UBN1: variants seen among roughly 807,000 people sequenced by gnomAD.
The protein encoded by UBN1 is ubinuclein-1.
In UBN1, 17 loss-of-function variants were observed where a neutral mutation model predicts 108.5. The ratio of observed to expected loss-of-function variants is 0.16; its 90% CI spans 0.11 to 0.24. UBN1 has a LOEUF of 0.24. UBN1 is among the 10% of genes least tolerant of loss of function. The pLI is 1.00. For synonymous variants in UBN1, 726 were observed against 564.2 expected, an observed-to-expected ratio of 1.29 and a Z score of -4.07; for missense variants, 1,595 against 1,394.4, an observed-to-expected ratio of 1.14 and a Z score of -2.29.
Position 4,870,347 on chromosome 16 carries a change from T to A in UBN1, c.1311+6T>A. ...AACTTCACCTCTATGAACAGGTGGG[T>A]GACTCTAGAGTGAAGCCCTTTGGCT... On this transcript the variant is annotated splice_donor_region_variant and intron_variant, in intron 9 of 17. Coordinates refer to ENST00000262376, the MANE Select transcript of UBN1 (RefSeq NM_001079514.3). 1 of 1,613,898 alleles carries A rather than the reference T, an allele frequency of 6.2e-7. No homozygotes were observed. Among genetic ancestry groups the A allele is most frequent in the Admixed American group, 1.7e-5 (1 of 59,990 alleles).
At chr16:4,870,404 T>G in intron 9 of UBN1, 63 bp downstream of exon 9, 1 of 1,610,524 alleles carries the variant, frequency 6.2e-7, no homozygotes, top group Non-Finnish European at 8.5e-7. Context: ...GACTGAGTCT[T>G]AAGCAATGAT....
Position 4,877,323 on chromosome 16 carries a change from T to C in UBN1, c.3266-62T>C. ...GGGGGCTTTTGGCTGCTGGAGCTGC[T>C]TTCCTGTTCCTGTCTTCAATGTGTG... On this transcript the variant is annotated intron_variant, in intron 16 of 17. Transcript: ENST00000262376. The surrounding 1 kb of genome is among the most constrained non-coding windows in gnomAD (Gnocchi z 4.3). 1.0e-5 allele frequency: 16 copies of C among 1,564,854 alleles called. No individual in the cohort carries two copies. The South Asian group carries it at 1.7e-4, about 17-fold the overall frequency.
Position 4,847,510 on chromosome 16 carries a change from C to G in UBN1, c.-740C>G. The G allele has an allele frequency of 1.9e-6, 1 of 520,822 alleles. No homozygotes were observed. Among genetic ancestry groups the G allele is most frequent in the Non-Finnish European group, 3.3e-6 (1 of 303,818 alleles). The allele number at this position is 520,822 out of a possible 1,614,324, so 32.3% of individuals were successfully genotyped here. A position where few individuals can be genotyped will look rare whatever the true frequency, so the allele number is the denominator to read the frequency against. On this transcript the variant is annotated 5_prime_UTR_variant, in exon 1 of 18. Coordinates refer to ENST00000262376, the MANE Select transcript of UBN1 (RefSeq NM_001079514.3). ...CCTTCCCCCTCCCTTCGGCTCGTGA[C>G]AACGAAGCGCCCGCGGTCTGAGGCG...
intron 7 of UBN1, among the ~76,000 whole-genome samples, chr16:4,864,822 A>G (rs757695689): frequency 4.6e-5 from 7 of 152,140 alleles, no homozygotes; most frequent in Non-Finnish European, 1.0e-4. Flanking sequence ...CCCTCATCAC[A>G]AGAAGTGCAG....
chr16:4,850,518 C>T (rs1300774137), intron 1 of UBN1, among the ~76,000 whole-genome samples: 1 of 152,142 alleles, frequency 6.6e-6, no homozygotes, highest in Non-Finnish European at 1.5e-5. Context: ...GATTTATTTC[C>T]ACAACCCAGC....
chr16:4,882,221 G>T lies in UBN1; in HGVS notation c.*2089G>T. On this transcript the variant is annotated 3_prime_UTR_variant, in exon 18 of 18. Transcript: ENST00000262376. Reference sequence around the variant, plus strand: ...TCCCTGGCGCAGCGAAAGTCTCTGAGCACTTACCGGGCGTGACCGTTTCTT... The same window carrying T: ...TCCCTGGCGCAGCGAAAGTCTCTGATCACTTACCGGGCGTGACCGTTTCTT... The T allele has an allele frequency of 6.5e-6, 1 of 152,804 alleles. No individual in the cohort carries two copies. The allele number at this position is 152,804 out of a possible 1,614,324, so 9.5% of individuals were successfully genotyped here.
chr16:4,854,629 G>C (rs567907003), intron 2 of UBN1, among the ~76,000 whole-genome samples: 1 of 151,558 alleles, frequency 6.6e-6, no homozygotes, highest in South Asian at 2.1e-4. Context: ...GCCTCCCAAA[G>C]TGTTAGGATT....
Position 4,874,882 on chromosome 16 carries a change from C to G in UBN1, c.2472C>G (p.Ala824=). The G allele has an allele frequency of 6.2e-7, 1 of 1,614,138 alleles. No individual in the cohort carries two copies. Among genetic ancestry groups the G allele is most frequent in the South Asian group, 1.1e-5 (1 of 91,088 alleles). ...QKNFTPPSPF[A]NKLQGPKASP... ...ACTTCACGCCCCCATCTCCATTTGC[C>G]AATAAGCTCCAAGGCCCAAAGGCTT... The change falls in exon 15 of 18, where the codon GCC becomes GCG. Residue 824 remains alanine (A), a synonymous_variant. Coordinates refer to ENST00000262376, the MANE Select transcript of UBN1 (RefSeq NM_001079514.3).
At position 4,875,167 on chromosome 16, in the gene UBN1, C is replaced by T. The variant is rs759875008; in HGVS notation, c.2757C>T (p.Ser919=). The part of the protein sequence containing the change: ...SKHGVSSGSS[S]SGGTPVQSSV... ...ATGGGGTTTCTTCTGGCAGCTCTTC[C>T]TCGGGAGGAACACCAGTCCAGAGTT... Residue 919 remains serine (S), a synonymous_variant, in exon 15 of 18, where the codon TCC becomes TCT. Transcript: ENST00000262376. The T allele has an allele frequency of 1.1e-5, 18 of 1,614,270 alleles. No individual in the cohort carries two copies. The Admixed American group carries it at 2.2e-4, about 19-fold the overall frequency.
At chr16:4,860,578 G>C in intron 6 of UBN1, 86 bp from the exon 7 acceptor site, 1 of 1,351,916 alleles carries the variant, frequency 7.4e-7, no homozygotes, top group Non-Finnish European at 1.0e-6. Context: ...TGGAGACCAT[G>C]ACCCTGGGAG....
chr16:4,858,996 G>C, intron 4 of UBN1, 29 bp from the exon 5 acceptor site: 2 of 1,609,174 alleles, frequency 1.2e-6, no homozygotes, highest in East Asian at 2.2e-5. Flanking sequence ...AGCAGAACTT[G>C]GAGCTGACAG....
chr16:4,861,659 C>A (rs1372202331), intron 7 of UBN1, among the ~76,000 whole-genome samples: 3 of 152,192 alleles, frequency 2.0e-5, no homozygotes, highest in African/African-American at 7.2e-5. Context: ...AACCCACCAT[C>A]GGCAGGGTGC....
Position 4,860,859 on chromosome 16 carries a change from G to C in UBN1, c.867G>C (p.Leu289Phe). ...AACTGGAGGGTGCCTCTGACCCCTT[G>C]CTCTCACTCTTTGGCTCTACTTCTG... is the stretch of plus-strand genomic sequence containing the variant. ...LRELEGASDP[L>F]LSLFGSTSDN... The change falls in exon 7 of 18, where the codon TTG becomes TTC. Residue 289 changes from leucine to phenylalanine, a missense_variant. By Grantham distance (22) the Leu-to-Phe change is conservative (BLOSUM62 0). Around this residue, in one of 3 missense-constraint regions of UBN1, gnomAD observed 1,398 missense variants for 1,194.7 expected, o/e 1.17. Transcript: ENST00000262376. The C allele has an allele frequency of 6.2e-7, 1 of 1,614,268 alleles. No homozygotes were observed. Among genetic ancestry groups the C allele is most frequent in the Non-Finnish European group, 8.5e-7 (1 of 1,180,046 alleles).
In UBN1 at chr16:4,868,850, G is replaced by A. The variant is rs144365615; in HGVS notation, c.1128G>A (p.Glu376=). 6.2e-7 allele frequency: 1 copy of A among 1,613,874 alleles called. No homozygotes were observed. The highest frequency in any genetic ancestry group is 2.2e-5 in the East Asian group (1 of 44,880). The part of the protein sequence containing the change: ...KELAQAARAA[E]GESRQKFFTQ... ...TGCACCAGGCTGCCAGAGCTGCTGA[G>A]GGGGAGAGCAGACAGAAGTTCTTCA... Residue 376 remains glutamate, a synonymous_variant, in exon 8 of 18, where the codon GAG becomes GAA. Transcript: ENST00000262376.
Position 4,877,804 on chromosome 16 carries a change from A to T in UBN1, c.3355+330A>T. ...TGTTTTTTTCTCTTCAGTTTAAAAA[A>T]AAAAAAAAAGGGAAGGTAATGGTGC... is the stretch of plus-strand genomic sequence containing the variant. On this transcript the variant is annotated intron_variant, in intron 17 of 17. Coordinates refer to ENST00000262376, the MANE Select transcript of UBN1 (RefSeq NM_001079514.3). This position sits in a 1 kb window ranked among gnomAD's most constrained non-coding sequence, Gnocchi z 4.3. 9.5e-7 allele frequency: 1 copy of T among 1,050,244 alleles called. No homozygotes were observed. Among genetic ancestry groups the T allele is most frequent in the African/African-American group, 1.7e-5 (1 of 59,900 alleles). The allele number at this position is 1,050,244 out of a possible 1,614,324, so 65.1% of individuals were successfully genotyped here.
At position 4,874,424 on chromosome 16, in the gene UBN1, T is replaced by A; in HGVS notation, c.2014T>A (p.Ser672Thr). 1 of 1,613,876 alleles carries A rather than the reference T, an allele frequency of 6.2e-7. No homozygotes were observed. Among genetic ancestry groups the A allele is most frequent in the Non-Finnish European group, 8.5e-7 (1 of 1,179,960 alleles). ...DEDLIRNPASSVEAVSKELAA... is the reference protein window; with the variant it reads ...DEDLIRNPASTVEAVSKELAA... ...AGACTTGATCCGCAATCCAGCCTCCTCGGTGGAAGCCGTGTCCAAGGAATT... is the reference window on the plus strand; with the variant it reads ...AGACTTGATCCGCAATCCAGCCTCCACGGTGGAAGCCGTGTCCAAGGAATT... The change falls in exon 15 of 18, where the codon TCG becomes ACG. Residue 672 changes from serine (S) to threonine (T), a missense_variant. By Grantham distance (58) the Ser-to-Thr change is moderately conservative. This residue lies in a region of UBN1 where 1,398 missense variants were observed against 1,194.7 expected (regional missense o/e 1.17). Transcript: ENST00000262376.
chr16:4,871,445 C>T, intron 12 of UBN1, 144 bp downstream of exon 12: 9 of 1,202,464 alleles, frequency 7.5e-6, no homozygotes, highest in Non-Finnish European at 8.9e-6. Context: ...AACTGGGGGA[C>T]ATGCAGGTAG....
At chr16:4,879,354 G>A (rs1292216220) in intron 17 of UBN1, among the ~76,000 whole-genome samples, 2 of 152,102 alleles carry the variant, frequency 1.3e-5, no homozygotes, top group Non-Finnish European at 2.9e-5. Context: ...CAGGAGGATT[G>A]CTTGAACCCA....
chr16:4,872,564 G>A (rs1567945833), intron 12 of UBN1, among the ~76,000 whole-genome samples: 1 of 152,230 alleles, frequency 6.6e-6, no homozygotes, highest in Non-Finnish European at 1.5e-5. Flanking sequence ...CGCCTCCCCG[G>A]TTTGAGCGAA....
Sources: allele counts gnomAD v4.1 joint callset (sites outside exome capture counted in the v4.1 genomes callset), GRCh38; gene constraint gnomAD v4.1.1; regional missense constraint gnomAD v4.1.1; non-coding constraint Gnocchi (gnomAD v3.1); transcripts MANE v1.5; gene names NCBI Gene and HGNC (gene_info 2026-07-23, HGNC 2026-07-21).